The following PSD2 variants were observed in gnomAD, a reference collection of about 807,000 sequenced individuals.
PSD2 encodes PH and SEC7 domain-containing protein 2.
Under a neutral mutation model 69.8 loss-of-function variants are expected in PSD2, and 38 were observed. The ratio of observed to expected loss-of-function variants is 0.54; its 90% confidence interval spans 0.42 to 0.71. PSD2 has a LOEUF of 0.71. Among genes scored for constraint, PSD2 ranks in the 30% least tolerant of loss-of-function variants. The probability of loss-of-function intolerance (pLI) is 0.00; values close to 1 mark genes in which losing one functional copy is unlikely to be tolerated. For missense variants in PSD2, 943 were observed against 1,014.5 expected, an observed-to-expected ratio of 0.93 and a Z score of 0.96; for synonymous variants, 412 against 423.0, an observed-to-expected ratio of 0.97 and a Z score of 0.32.
chr5:139,775,672 T>G, the PSD2 span, among the ~76,000 whole-genome samples: 2 of 152,054 alleles, frequency 1.3e-5, no homozygotes, highest in Non-Finnish European at 2.9e-5. Flanking sequence ...TCCTTCTCCT[T>G]TCTTCTTCCT....
intron 8 of PSD2, among the ~76,000 whole-genome samples, chr5:139,835,070 C>T (rs978451349): frequency 1.4e-4 from 21 of 151,986 alleles, no homozygotes; most frequent in Admixed American, 2.6e-4. Context: ...CAACAAACTT[C>T]TCCACATCTA....
chr5:139,811,646 G>A (rs1441983474), intron 2 of PSD2, among the ~76,000 whole-genome samples: 1 of 151,970 alleles, frequency 6.6e-6, no homozygotes, highest in Non-Finnish European at 1.5e-5. Context: ...CCAGGCTGGA[G>A]TGCTGTGGCA....
At chr5:139,768,098 T>A in the PSD2 span, among the ~76,000 whole-genome samples, 131,525 of 152,330 alleles carry the variant, frequency 0.86, 56,901 homozygotes, top group Admixed American at 0.89. Context: ...TTGATGGAGG[T>A]AGCACGTGTC....
Position 139,796,707 on chromosome 5 carries a change from G to T in PSD2, c.-51+732G>T, listed in dbSNP as rs1017625368. On this transcript the variant is annotated intron_variant, in intron 1 of 14. Transcript: ENST00000274710. Reference sequence around the variant, plus strand: ...AGGTATTCAGCTGTTCCTAGAGGATGCAGGGACTCCCCGGAATGATCACTG... The same window carrying T: ...AGGTATTCAGCTGTTCCTAGAGGATTCAGGGACTCCCCGGAATGATCACTG... Among the ~76,000 whole-genome samples the T allele has an allele frequency of 5.3e-5, 8 of 152,342 alleles. No homozygotes were observed. In the East Asian group the frequency reaches 1.5e-3, roughly 29 times the overall value.
chr5:139,829,111 T>A (rs17118448), intron 7 of PSD2, among the ~76,000 whole-genome samples: 15,209 of 152,166 alleles, frequency 0.1, 1,084 homozygotes, highest in African/African-American at 0.2. Context: ...TCTTTTTGCC[T>A]GGTTGTCATT....
chr5:139,746,822 T>G, the PSD2 span, among the ~76,000 whole-genome samples: 11 of 152,150 alleles, frequency 7.2e-5, no homozygotes, highest in Non-Finnish European at 1.5e-5. The surrounding 1 kb of genome is among the most constrained non-coding windows in gnomAD (Gnocchi z 4.5). Context: ...GGCGTAGCGA[T>G]GGAGGGCGCA....
At chr5:139,787,061 G>A in the PSD2 span, among the ~76,000 whole-genome samples, 4 of 152,166 alleles carry the variant, frequency 2.6e-5, no homozygotes, top group Non-Finnish European at 5.9e-5. Context: ...GTTGGGGCCT[G>A]GGGGGTGTGT....
At chr5:139,774,077 C>G in the PSD2 span, among the ~76,000 whole-genome samples, 1 of 152,192 alleles carries the variant, frequency 6.6e-6, no homozygotes, top group South Asian at 2.1e-4. Context: ...CCTCCCACCT[C>G]AGCCTCCTAA....
chr5:139,819,542 C>T (rs1245491613), intron 5 of PSD2, among the ~76,000 whole-genome samples: 1 of 152,198 alleles, frequency 6.6e-6, no homozygotes, highest in Non-Finnish European at 1.5e-5. Flanking sequence ...AGTCTCCAGC[C>T]TCTTGAAGCC....
At chr5:139,785,625 AC>A in the PSD2 span, among the ~76,000 whole-genome samples, 1 of 151,196 alleles carries the variant, frequency 6.6e-6, no homozygotes, top group South Asian at 2.1e-4. Flanking sequence ...CTCTCCTCCC[AC>A]CTCCATTGGA....
chr5:139,783,548 G>A, the PSD2 span, among the ~76,000 whole-genome samples: 1 of 152,204 alleles, frequency 6.6e-6, no homozygotes, highest in Admixed American at 6.5e-5. Context: ...TTCACCTGTC[G>A]ATGGACACCA....
At chr5:139,805,915 A>G (rs1431964743) in intron 1 of PSD2, among the ~76,000 whole-genome samples, 2 of 152,044 alleles carry the variant, frequency 1.3e-5, no homozygotes, top group African/African-American at 4.8e-5. Context: ...GGAGGGAGGA[A>G]GGATTGTGCT....
chr5:139,789,523 A>G, the PSD2 span, among the ~76,000 whole-genome samples: 5 of 152,350 alleles, frequency 3.3e-5, no homozygotes, highest in Admixed American at 6.5e-5. Context: ...GGCTGTAGTG[A>G]GCCGAGATCA....
At chr5:139,799,218 C>G (rs1442798525) in intron 1 of PSD2, among the ~76,000 whole-genome samples, 1 of 152,166 alleles carries the variant, frequency 6.6e-6, no homozygotes, top group Non-Finnish European at 1.5e-5. Context: ...CTGTTCCTCC[C>G]CCTTCCCTAC....
In PSD2 at chr5:139,837,620, C is replaced by A; in HGVS notation, c.1666-5C>A. ...ACCCTAGCTCGCCCATCCTGCCCCA[C>A]CCAGGATGAGTACAGGCCTGACAAA... On this transcript the variant is annotated splice_polypyrimidine_tract_variant and splice_region_variant and intron_variant, in intron 11 of 14. Transcript: ENST00000274710. The surrounding 1 kb of genome is among the most constrained non-coding windows in gnomAD (Gnocchi z 5.0). 1 of 1,593,114 alleles carries A rather than the reference C, an allele frequency of 6.3e-7. No individual in the cohort carries two copies. The highest frequency in any genetic ancestry group is 1.7e-4 in the Middle Eastern group (1 of 5,986).
intron 1 of PSD2, 143 bp from the exon 2 acceptor site, chr5:139,809,248 C>T (rs1759887616): frequency 4.5e-6 from 3 of 662,250 alleles, no homozygotes; most frequent in Admixed American, 3.0e-5. Flanking sequence ...AACCCACACT[C>T]CAGCTGGAAG....
the PSD2 span, among the ~76,000 whole-genome samples, chr5:139,770,760 T>A: frequency 6.6e-6 from 1 of 152,286 alleles, no homozygotes; most frequent in African/African-American, 2.4e-5. Flanking sequence ...AAGCAGAGCA[T>A]GTTGAGAGAA....
the PSD2 span, among the ~76,000 whole-genome samples, chr5:139,776,868 C>T: frequency 3.3e-5 from 5 of 152,176 alleles, no homozygotes; most frequent in African/African-American, 1.2e-4. Context: ...TAAATCCCCT[C>T]TCTAACCCTC....
At chr5:139,792,049 G>T (rs1422559007), upstream of PSD2, among the ~76,000 whole-genome samples, 1 of 152,098 alleles carries the variant, frequency 6.6e-6, no homozygotes, top group Non-Finnish European at 1.5e-5. Flanking sequence ...GAGGTCACTA[G>T]AAATGGTTGA....
Sources: gnomAD v4.1 joint callset for allele counts (sites outside exome capture counted in the v4.1 genomes callset) on GRCh38, gnomAD v4.1.1 for gene constraint, Gnocchi (gnomAD v3.1) non-coding constraint, MANE v1.5 for transcripts, NCBI Gene and HGNC (gene_info 2026-07-23, HGNC 2026-07-21) for gene names.